Variants in BMP2K observed in about 807,000 individuals in gnomAD.
BMP2K encodes the protein BMP2 inducible kinase.
BMP2K carries 74 observed loss-of-function variants against 116.0 expected under a neutral mutation model. The observed-to-expected ratio is 0.64, with a 90% CI of 0.53 to 0.77. BMP2K has a LOEUF of 0.77. BMP2K is among the 30% of genes least tolerant of loss of function. The probability of loss-of-function intolerance (pLI) is 0.00; values close to 1 mark genes in which losing one functional copy is unlikely to be tolerated. For missense variants in BMP2K, 1,365 were observed against 1,403.6 expected, an observed-to-expected ratio of 0.97 and a Z score of 0.44; for synonymous variants, 486 against 502.5, an observed-to-expected ratio of 0.97 and a Z score of 0.44.
chr4:78,808,440 T>G (rs1305120168), intron 1 of BMP2K, among the ~76,000 whole-genome samples: 1 of 152,024 alleles, frequency 6.6e-6, no homozygotes, highest in Non-Finnish European at 1.5e-5. Context: ...TAATTTTTTT[T>G]ATTTTTACTA....
At chr4:78,812,965 G>A (rs1431974285) in intron 1 of BMP2K, among the ~76,000 whole-genome samples, 1 of 152,024 alleles carries the variant, frequency 6.6e-6, no homozygotes, top group Admixed American at 6.6e-5. Context: ...GATCGCTTGA[G>A]CCTGGAGGAT....
At position 78,887,203 on chromosome 4, in the gene BMP2K, A is replaced by T; in HGVS notation, c.1981A>T (p.Lys661Ter). ...GCTCGAGGAGAGAGCATCCTCAGAT[A>T]AGAATGTAGACTCACTTTCTGCTCC... Reference protein sequence around the residue: ...NRLEERASSDKNVDSLSAPHN... With the variant: ...NRLEERASSD Residue 661 changes from lysine (K) to a stop codon, truncating the protein, a stop_gained, in exon 15 of 16, where the codon AAG (lysine) becomes TAG (stop). Coordinates refer to ENST00000502613, the MANE Select transcript of BMP2K (RefSeq NM_198892.2). LOFTEE classifies it high-confidence loss of function. The T allele has an allele frequency of 6.2e-7, 1 of 1,610,732 alleles. No individual in the cohort carries two copies. Among genetic ancestry groups the T allele is most frequent in the African/African-American group, 1.3e-5 (1 of 74,958 alleles).
At chr4:78,872,913 C>T in intron 13 of BMP2K, 115 bp downstream of exon 13, 2 of 1,062,248 alleles carry the variant, frequency 1.9e-6, no homozygotes, top group Non-Finnish European at 2.7e-6. Flanking sequence ...TCTGTAGAGC[C>T]ACCCATTCTC....
chr4:78,824,415 A>C (rs968522312), intron 1 of BMP2K, among the ~76,000 whole-genome samples: 1 of 152,190 alleles, frequency 6.6e-6, no homozygotes, highest in Admixed American at 6.5e-5. Flanking sequence ...CAGAGTTACA[A>C]CTTACATGGT....
At chr4:78,782,838 C>G (rs1387930287) in intron 1 of BMP2K, among the ~76,000 whole-genome samples, 1 of 152,178 alleles carries the variant, frequency 6.6e-6, no homozygotes, top group African/African-American at 2.4e-5. Context: ...GAACCAAGGT[C>G]TATTCACCTG....
intron 4 of BMP2K, among the ~76,000 whole-genome samples, chr4:78,843,691 C>T (rs1422138983): frequency 2.0e-5 from 3 of 151,862 alleles, no homozygotes; most frequent in Non-Finnish European, 2.9e-5. Flanking sequence ...GCAGGCATCT[C>T]GCCTTAATTT....
chr4:78,804,156 T>G (rs535530900), intron 1 of BMP2K, among the ~76,000 whole-genome samples: 3 of 152,168 alleles, frequency 2.0e-5, no homozygotes, highest in Admixed American at 2.0e-4. Context: ...TAATCACTAG[T>G]CTATTTTCTG....
Position 78,800,684 on chromosome 4 carries a change from C to T in BMP2K, c.178+23963C>T, listed in dbSNP as rs530199329. On this transcript the variant is annotated intron_variant, in intron 1 of 15. Transcript: ENST00000502613. Reference sequence around the variant, plus strand: ...TTGGAATAGTTTAAACTACAGCTGTCTTTAAAGCTTGGAGATAGAGCTCTT... The same window carrying T: ...TTGGAATAGTTTAAACTACAGCTGTTTTTAAAGCTTGGAGATAGAGCTCTT... 1.4e-4 allele frequency among the ~76,000 whole-genome samples: 21 copies of T among 152,212 alleles called. 1 individual carries two copies. In the South Asian group the frequency reaches 4.1e-3, roughly 30 times the overall value.
chr4:78,786,360 C>T (rs758731013), intron 1 of BMP2K, among the ~76,000 whole-genome samples: 2 of 151,820 alleles, frequency 1.3e-5, no homozygotes, highest in Non-Finnish European at 2.9e-5. Flanking sequence ...TTGGACTTCC[C>T]AGTCTCCATA....
intron 1 of BMP2K, among the ~76,000 whole-genome samples, chr4:78,785,465 A>G (rs887723371): frequency 2.6e-5 from 4 of 152,266 alleles, no homozygotes; most frequent in Admixed American, 1.3e-4. Flanking sequence ...GTTGCCTTAC[A>G]TGCTAGTCCT....
In BMP2K at chr4:78,802,458, A is replaced by T. The variant is rs1397501184; in HGVS notation, c.179-23579A>T. Among the ~76,000 whole-genome samples the T allele has an allele frequency of 2.0e-5, 3 of 152,244 alleles. No homozygotes were observed. In the South Asian group the frequency reaches 6.2e-4, roughly 32 times the overall value. On this transcript the variant is annotated intron_variant, in intron 1 of 15. Transcript: ENST00000502613. ...GAAATTGCAATTTAAATTTTAACAT[A>T]GTCAAACTTACAAGTTTTCATCTTT... is the stretch of plus-strand genomic sequence containing the variant.
chr4:78,891,942 G>A (rs368599045), intron 15 of BMP2K, among the ~76,000 whole-genome samples: 5 of 152,230 alleles, frequency 3.3e-5, no homozygotes, highest in South Asian at 2.1e-4. Flanking sequence ...ATGCCAAACC[G>A]ACACTGAATT....
intron 15 of BMP2K, among the ~76,000 whole-genome samples, chr4:78,910,269 A>C (rs1734515627): frequency 6.6e-6 from 1 of 152,248 alleles, no homozygotes; most frequent in Non-Finnish European, 1.5e-5. Context: ...GAGCTTTCAG[A>C]ATTAGCAGAA....
chr4:78,815,213 C>G (rs1729281694), intron 1 of BMP2K, among the ~76,000 whole-genome samples: 1 of 152,148 alleles, frequency 6.6e-6, no homozygotes, highest in Admixed American at 6.5e-5. Flanking sequence ...TCTGGCTCTG[C>G]TATTGATAGT....
In BMP2K at chr4:78,776,472, C is replaced by G; in HGVS notation, c.-72C>G. 9.1e-7 allele frequency: 1 copy of G among 1,104,272 alleles called. No homozygotes were observed. The highest frequency in any genetic ancestry group is 1.1e-6 in the Non-Finnish European group (1 of 906,436). The allele number at this position is 1,104,272 out of a possible 1,614,324, so 68.4% of individuals were successfully genotyped here. A position where few individuals can be genotyped will look rare whatever the true frequency, so the allele number is the denominator to read the frequency against. ...GCCAGGGGCGGCGACCCCTCGCGGA[C>G]GCCCGGCTGCGCGCCGGGCCGGGGA... On this transcript the variant is annotated 5_prime_UTR_variant, in exon 1 of 16. Transcript: ENST00000502613.
intron 1 of BMP2K, among the ~76,000 whole-genome samples, chr4:78,795,734 G>A (rs905007886): frequency 6.6e-6 from 1 of 152,040 alleles, no homozygotes; most frequent in Admixed American, 6.5e-5. Flanking sequence ...CAAAGGACAT[G>A]AACAGACACT....
Position 78,865,591 on chromosome 4 carries a change from A to AT in BMP2K, c.1104dup (p.Ala369CysfsTer29). On this transcript the variant is annotated frameshift_variant, in exon 10 of 16. Coordinates refer to ENST00000502613, the MANE Select transcript of BMP2K (RefSeq NM_198892.2). LOFTEE classifies it high-confidence loss of function. ...TACCATTGGACCAACAGAAACCTCAATTGCACCAAGACAAAGACCAAAGGC... is the reference window on the plus strand; with the variant it reads ...TACCATTGGACCAACAGAAACCTCAATTTGCACCAAGACAAAGACCAAAGGC... The AT allele has an allele frequency of 6.2e-7, 1 of 1,614,100 alleles. No individual in the cohort carries two copies. Among genetic ancestry groups the AT allele is most frequent in the South Asian group, 1.1e-5 (1 of 91,082 alleles).
intron 1 of BMP2K, among the ~76,000 whole-genome samples, chr4:78,821,510 G>GT (rs747259985): frequency 1.4e-4 from 21 of 152,192 alleles, no homozygotes; most frequent in African/African-American, 4.3e-4. Flanking sequence ...TTAATTCTTT[G>GT]TTTTTTTAGG....
intron 1 of BMP2K, among the ~76,000 whole-genome samples, chr4:78,796,934 T>G (rs1286131159): frequency 1.3e-5 from 2 of 152,204 alleles, no homozygotes; most frequent in Non-Finnish European, 2.9e-5. Context: ...ATGTTGTGAC[T>G]GGGAATAAAG....
Sources: gnomAD v4.1 joint callset for allele counts (sites outside exome capture counted in the v4.1 genomes callset) on GRCh38, gnomAD v4.1.1 for gene constraint, MANE v1.5 for transcripts, NCBI Gene and HGNC (gene_info 2026-07-23, HGNC 2026-07-21) for gene names.